MEIS2: variants seen among roughly 807,000 people sequenced by gnomAD.
MEIS2 encodes the protein Meis homeobox 2.
A neutral mutation model predicts 58.6 loss-of-function variants in MEIS2; 9 were observed. The observed-to-expected ratio is 0.15, with a 90% CI of 0.09 to 0.27. The LOEUF is 0.27. MEIS2 is among the 10% of genes least tolerant of loss of function. The pLI is 1.00. For synonymous variants in MEIS2, 221 were observed against 228.4 expected (o/e 0.97, Z 0.29); for missense variants, 427 against 635.0 (o/e 0.67, Z 3.52).
intron 9 of MEIS2, among the ~76,000 whole-genome samples, chr15:36,910,664 TCTAA>T (rs1375289102): frequency 1.3e-5 from 2 of 152,188 alleles, no homozygotes; most frequent in African/African-American, 4.8e-5. Context: ...CTTGTTTATA[TCTAA>T]CCTGTTCATA....
intron 8 of MEIS2, among the ~76,000 whole-genome samples, chr15:36,952,775 A>G (rs2058808700): frequency 1.3e-5 from 2 of 152,030 alleles, no homozygotes; most frequent in South Asian, 4.1e-4. Context: ...AAATTTTGTA[A>G]ATTCTGATTG....
chr15:37,048,490 A>C (rs1215899679), intron 7 of MEIS2, among the ~76,000 whole-genome samples: 1 of 152,082 alleles, frequency 6.6e-6, no homozygotes, highest in Non-Finnish European at 1.5e-5. Flanking sequence ...TTATAACATA[A>C]AATGGTTGAT....
intron 7 of MEIS2, among the ~76,000 whole-genome samples, chr15:37,075,508 T>C (rs1234511442): frequency 2.6e-5 from 4 of 152,130 alleles, no homozygotes; most frequent in Non-Finnish European, 4.4e-5. Context: ...AGAGTTCATT[T>C]ATGTTCAGGC....
At chr15:37,099,018 G>T in intron 1 of MEIS2, 1 of 982,940 alleles carries the variant, frequency 1.0e-6, no homozygotes. Context: ...CGGCCCCAGC[G>T]GCGGCCCCGG....
In MEIS2 at chr15:37,036,968, A is replaced by G; in HGVS notation, c.755-9T>C. 1.3e-6 allele frequency: 2 copies of G among 1,598,264 alleles called. No individual in the cohort carries two copies. The highest frequency in any genetic ancestry group is 8.5e-7 in the Non-Finnish European group (1 of 1,174,556). On this transcript the variant is annotated splice_polypyrimidine_tract_variant and intron_variant, in intron 7 of 11. Transcript: ENST00000561208. Reference sequence around the variant, plus strand: ...GTTGTCTAAACCATCCCCTAGTAGAAAGAAATAAAAATACATTAGAGAAAA... The same window carrying G: ...GTTGTCTAAACCATCCCCTAGTAGAGAGAAATAAAAATACATTAGAGAAAA...
intron 9 of MEIS2, among the ~76,000 whole-genome samples, chr15:36,914,640 G>A (rs2057189470): frequency 6.6e-6 from 1 of 152,192 alleles, no homozygotes; most frequent in South Asian, 2.1e-4. Flanking sequence ...CCGAGAGGGT[G>A]TGGCTTTCAT....
At chr15:37,077,678 GCA>G (rs1339908153) in intron 7 of MEIS2, among the ~76,000 whole-genome samples, 1 of 152,152 alleles carries the variant, frequency 6.6e-6, no homozygotes, top group East Asian at 1.9e-4. Flanking sequence ...CACAAAGATG[GCA>G]CACACATTTG....
intron 6 of MEIS2, among the ~76,000 whole-genome samples, chr15:37,090,246 C>G (rs529407000): frequency 6.6e-6 from 1 of 151,930 alleles, no homozygotes; most frequent in East Asian, 1.9e-4. Context: ...TTACTAAATA[C>G]AACGAAATTG....
intron 9 of MEIS2, among the ~76,000 whole-genome samples, chr15:36,922,138 G>T (rs1030664197): frequency 4.6e-5 from 7 of 152,214 alleles, no homozygotes; most frequent in African/African-American, 7.2e-5. Context: ...AAAAGAACTG[G>T]AAGGAGTAGA....
chr15:36,988,843 C>A (rs2141542317), intron 8 of MEIS2, among the ~76,000 whole-genome samples: 1 of 152,170 alleles, frequency 6.6e-6, no homozygotes, highest in South Asian at 2.1e-4. Flanking sequence ...AATTCATTAT[C>A]TTTTATAATA....
intron 8 of MEIS2, among the ~76,000 whole-genome samples, chr15:36,980,144 T>A (rs1567137802): frequency 1.3e-5 from 2 of 152,098 alleles, no homozygotes; most frequent in Non-Finnish European, 2.9e-5. Flanking sequence ...ATCAAAAATA[T>A]TAACCCCTAC....
rs536737798 is a variant in MEIS2, at chr15:36,993,990, G to A, written c.900+42824C>T. Among the ~76,000 whole-genome samples, 18 of 152,078 alleles carry A rather than the reference G, an allele frequency of 1.2e-4. No homozygotes were observed. The East Asian group carries it at 2.9e-3, about 24-fold the overall frequency. Reference sequence around the variant, plus strand: ...TGAGATGATTTTCAGGGTCAATAAAGCCAAAGTAATTTTAGATTGAACGCT... The same window carrying A: ...TGAGATGATTTTCAGGGTCAATAAAACCAAAGTAATTTTAGATTGAACGCT... On this transcript the variant is annotated intron_variant, in intron 8 of 11. Coordinates refer to ENST00000561208, the MANE Select transcript of MEIS2 (RefSeq NM_170675.5).
At chr15:36,970,660 C>A (rs1384574635) in intron 8 of MEIS2, among the ~76,000 whole-genome samples, 1 of 152,180 alleles carries the variant, frequency 6.6e-6, no homozygotes, top group Non-Finnish European at 1.5e-5. Flanking sequence ...TGACACTTGT[C>A]TTTATTGCCC....
At chr15:37,010,106 G>C (rs541615202) in intron 8 of MEIS2, among the ~76,000 whole-genome samples, 2 of 151,984 alleles carry the variant, frequency 1.3e-5, no homozygotes, top group South Asian at 4.2e-4. Flanking sequence ...GTTTTGTTTT[G>C]AGACAGAATC....
chr15:36,938,195 T>A (rs1363263866), intron 9 of MEIS2, among the ~76,000 whole-genome samples: 1 of 152,002 alleles, frequency 6.6e-6, no homozygotes. Flanking sequence ...CACCAAAGCC[T>A]CCTCTCTTTT....
At chr15:36,970,106 A>T (rs904388877) in intron 8 of MEIS2, among the ~76,000 whole-genome samples, 1 of 152,206 alleles carries the variant, frequency 6.6e-6, no homozygotes, top group East Asian at 1.9e-4. Flanking sequence ...AGTTTTGTTT[A>T]AAAATGCAAA....
intron 8 of MEIS2, among the ~76,000 whole-genome samples, chr15:36,957,152 T>TAAA (rs1234338390): frequency 1.3e-5 from 2 of 152,138 alleles, no homozygotes; most frequent in African/African-American, 4.8e-5. Context: ...ATTTTGTATC[T>TAAA]AAATTCGAAA....
At chr15:36,979,934 T>G (rs1595861068) in intron 8 of MEIS2, among the ~76,000 whole-genome samples, 1 of 149,980 alleles carries the variant, frequency 6.7e-6, no homozygotes, top group East Asian at 1.9e-4. Context: ...CCCCATACAA[T>G]ATAGATATTA....
chr15:37,001,923 C>T (rs1794441387), intron 8 of MEIS2, among the ~76,000 whole-genome samples: 4 of 152,122 alleles, frequency 2.6e-5, no homozygotes, highest in South Asian at 4.1e-4. Context: ...GTACATCATC[C>T]GTACTTTGTG....
Sources: gnomAD v4.1 joint callset for allele counts (sites outside exome capture counted in the v4.1 genomes callset) on GRCh38, gnomAD v4.1.1 for gene constraint, MANE v1.5 for transcripts, NCBI Gene and HGNC (gene_info 2026-07-23, HGNC 2026-07-21) for gene names.